CNTLN: variants seen among roughly 807,000 people sequenced by gnomAD.
CNTLN encodes centlein, centrosomal protein.
A neutral mutation model predicts 180.0 loss-of-function variants in CNTLN; 212 were observed. That is an observed-to-expected ratio of 1.18 (90% CI 1.05 to 1.32). The LOEUF (loss-of-function observed/expected upper bound fraction) is 1.32, where lower values mean the gene tolerates loss of function less well. Among genes scored for constraint, CNTLN ranks in the 40% most tolerant of loss-of-function variants. CNTLN has a pLI of 0.00. For synonymous variants in CNTLN, 722 were observed against 563.1 expected, an observed-to-expected ratio of 1.28 and a Z score of -3.99; for missense variants, 2,095 against 1,610.9, an observed-to-expected ratio of 1.30 and a Z score of -5.14.
rs576776364 is a variant in CNTLN at position 17,172,028 on chromosome 9, C to T, written c.449+28652C>T. 7.9e-5 allele frequency among the ~76,000 whole-genome samples: 12 copies of T among 152,126 alleles called. No homozygotes were observed. The East Asian group carries it at 9.7e-4, about 12-fold the overall frequency. On this transcript the variant is annotated intron_variant, in intron 2 of 25. Coordinates refer to ENST00000380647, the MANE Select transcript of CNTLN (RefSeq NM_017738.4). The stretch of plus-strand genomic sequence containing the variant: ...GTTTGAGGCATGGATACTCATGGAT[C>T]GGCCATTGAGCTGGGGTTTGGAGTG...
chr9:17,350,686 T>C (rs1320694945), intron 12 of CNTLN, among the ~76,000 whole-genome samples: 1 of 152,182 alleles, frequency 6.6e-6, no homozygotes, highest in East Asian at 1.9e-4. Context: ...ATGAGGGCTC[T>C]CTTCCTGGCT....
intron 2 of CNTLN, among the ~76,000 whole-genome samples, chr9:17,221,365 A>C (rs1373626487): frequency 6.6e-6 from 1 of 152,118 alleles, no homozygotes; most frequent in African/African-American, 2.4e-5. Flanking sequence ...GCAGAAATTC[A>C]TCAGTTTCTG....
chr9:17,241,179 C>A (rs182788398), intron 5 of CNTLN, among the ~76,000 whole-genome samples: 2 of 152,064 alleles, frequency 1.3e-5, no homozygotes, highest in Non-Finnish European at 2.9e-5. Flanking sequence ...CTTTTAGTAG[C>A]TTCACAGTTT....
At chr9:17,344,645 A>G (rs1821735964) in intron 12 of CNTLN, among the ~76,000 whole-genome samples, 1 of 152,200 alleles carries the variant, frequency 6.6e-6, no homozygotes, top group South Asian at 2.1e-4. Flanking sequence ...AATAAATGTC[A>G]AAAATGTTAA....
intron 6 of CNTLN, among the ~76,000 whole-genome samples, chr9:17,294,959 A>G (rs553070087): frequency 6.8e-6 from 1 of 148,060 alleles, no homozygotes; most frequent in South Asian, 2.2e-4. Flanking sequence ...GGTGGGCTGC[A>G]GGTCCCCAGC....
At chr9:17,482,470 A>G (rs1193442467) in intron 23 of CNTLN, among the ~76,000 whole-genome samples, 1 of 152,210 alleles carries the variant, frequency 6.6e-6, no homozygotes, top group Non-Finnish European at 1.5e-5. Context: ...ATGGAAAGGA[A>G]TACCATGTTC....
chr9:17,216,256 G>C (rs993856422), intron 2 of CNTLN, among the ~76,000 whole-genome samples: 1 of 152,140 alleles, frequency 6.6e-6, no homozygotes, highest in Non-Finnish European at 1.5e-5. Context: ...TCAGGTAACT[G>C]GATTTGTAAT....
chr9:17,136,551 G>C (rs956955574), intron 1 of CNTLN, among the ~76,000 whole-genome samples: 5 of 152,140 alleles, frequency 3.3e-5, no homozygotes, highest in African/African-American at 1.2e-4. Context: ...GGACAGTCTC[G>C]ATCTCCTGAC....
chr9:17,235,155 T>G (rs1825059798), intron 3 of CNTLN, among the ~76,000 whole-genome samples: 1 of 152,164 alleles, frequency 6.6e-6, no homozygotes, highest in Non-Finnish European at 1.5e-5. Context: ...GTTAAAAATT[T>G]TGGCAGCCTT....
At chr9:17,266,815 TC>T (rs1381280771) in intron 5 of CNTLN, among the ~76,000 whole-genome samples, 2 of 152,174 alleles carry the variant, frequency 1.3e-5, no homozygotes, top group Non-Finnish European at 2.9e-5. Flanking sequence ...TCTCTTTTGA[TC>T]TTTGTTGGTT....
rs575239880 is a variant in CNTLN at position 17,340,706 on chromosome 9, C to A, written c.1645-121C>A. On this transcript the variant is annotated intron_variant, in intron 10 of 25. Coordinates refer to ENST00000380647, the MANE Select transcript of CNTLN (RefSeq NM_017738.4). ...TCTGCTTAAATACATATTACAGATTCATTTATGTTTACACACTATTTTCTT... is the reference window on the plus strand; with the variant it reads ...TCTGCTTAAATACATATTACAGATTAATTTATGTTTACACACTATTTTCTT... The A allele has an allele frequency of 7.2e-4, 516 of 711,976 alleles. 1 individual carries two copies. Among genetic ancestry groups the A allele is most frequent in the South Asian group, 1.4e-3 (40 of 29,122 alleles). The allele number at this position is 711,976 out of a possible 1,614,324, so 44.1% of individuals were successfully genotyped here.
At chr9:17,472,531 C>T (rs1832089781) in intron 23 of CNTLN, among the ~76,000 whole-genome samples, 1 of 152,030 alleles carries the variant, frequency 6.6e-6, no homozygotes. Flanking sequence ...TGATTATTCC[C>T]ATCATCATAC....
intron 12 of CNTLN, among the ~76,000 whole-genome samples, chr9:17,344,261 A>G (rs1004795705): frequency 6.6e-6 from 1 of 152,218 alleles, no homozygotes; most frequent in Non-Finnish European, 1.5e-5. Context: ...GCACTTTACA[A>G]ATAGCTCCTT....
chr9:17,301,432 A>T (rs1255810648), intron 7 of CNTLN: 2 of 985,300 alleles, frequency 2.0e-6, no homozygotes, highest in East Asian at 2.3e-4. Flanking sequence ...ACAAACTGAG[A>T]TGTGCTAACC....
At chr9:17,325,633 G>A (rs577794963) in intron 8 of CNTLN, among the ~76,000 whole-genome samples, 1 of 151,650 alleles carries the variant, frequency 6.6e-6, no homozygotes, top group South Asian at 2.1e-4. Flanking sequence ...TTAAGAAAAA[G>A]TATTTCTTTT....
intron 6 of CNTLN, among the ~76,000 whole-genome samples, chr9:17,290,374 C>T (rs1829293848): frequency 6.7e-6 from 1 of 149,678 alleles, no homozygotes; most frequent in Non-Finnish European, 1.5e-5. Context: ...GTTCTCAGAT[C>T]TCCAGCTGCG....
At chr9:17,242,283 A>G (rs1014463181) in intron 5 of CNTLN, among the ~76,000 whole-genome samples, 2 of 149,468 alleles carry the variant, frequency 1.3e-5, no homozygotes, top group African/African-American at 4.9e-5. Context: ...CTTTTTCACC[A>G]TCAATTGAAA....
intron 8 of CNTLN, among the ~76,000 whole-genome samples, chr9:17,315,981 G>A (rs987259093): frequency 9.9e-5 from 15 of 151,842 alleles, no homozygotes; most frequent in African/African-American, 3.4e-4. Flanking sequence ...TTTCAGGTCT[G>A]ATTGGCTTGT....
chr9:17,202,167 G>T (rs934993499), intron 2 of CNTLN, among the ~76,000 whole-genome samples: 2 of 152,188 alleles, frequency 1.3e-5, no homozygotes, highest in African/African-American at 4.8e-5. Context: ...TTCATCCTGA[G>T]TTCTAATTTG....
Sources: gnomAD v4.1 joint callset for allele counts (sites outside exome capture counted in the v4.1 genomes callset) on GRCh38, gnomAD v4.1.1 for gene constraint, MANE v1.5 for transcripts, NCBI Gene and HGNC (gene_info 2026-07-23, HGNC 2026-07-21) for gene names.